ADAMTS14: variants seen among roughly 807,000 people sequenced by gnomAD.
The protein encoded by ADAMTS14 is ADAM metallopeptidase with thrombospondin type 1 motif 14.
In ADAMTS14, 100 loss-of-function variants were observed where a neutral mutation model predicts 128.6. The observed-to-expected ratio is 0.78, with a 90% CI of 0.66 to 0.92. ADAMTS14 has a LOEUF of 0.92. Ranked by LOEUF, ADAMTS14 falls within the 40% of genes least tolerant of loss-of-function variation. ADAMTS14 has a pLI of 0.00. For synonymous variants in ADAMTS14, 665 were observed against 653.8 expected, an observed-to-expected ratio of 1.02 and a Z score of -0.26; for missense variants, 1,562 against 1,658.6, an observed-to-expected ratio of 0.94 and a Z score of 1.01.
chr10:70,749,833 C>A lies in ADAMTS14; in HGVS notation c.2275C>A (p.Gln759Lys). 1.9e-6 allele frequency: 3 copies of A among 1,613,892 alleles called. No individual in the cohort carries two copies. The highest frequency in any genetic ancestry group is 1.3e-5 in the African/African-American group (1 of 75,028). ...KSPHRIVVKN[Q>K]VTGSFILNPK... ...CCCCCACCGGTCAGTGGTGAAGAACCAGGTCACCGGCAGCTTCATCCTCAA... is the reference window on the plus strand; with the variant it reads ...CCCCCACCGGTCAGTGGTGAAGAACAAGGTCACCGGCAGCTTCATCCTCAA... Residue 759 changes from glutamine (Q) to lysine (K), a missense_variant, in exon 16 of 22, where the codon CAG becomes AAG. Coordinates refer to ENST00000373207, the MANE Select transcript of ADAMTS14 (RefSeq NM_080722.4).
rs754210432 is a variant in ADAMTS14 at position 70,760,733 on chromosome 10, C to CG, written c.3558dup (p.Leu1187AlafsTer14). On this transcript the variant is annotated frameshift_variant, in exon 22 of 22. Coordinates refer to ENST00000373207, the MANE Select transcript of ADAMTS14 (RefSeq NM_080722.4). ...CCTGGAGCATCTCCCCTACCACCCCCGGGGGGCTGCCTTGGGGCTGGACTC... is the reference window on the plus strand; with the variant it reads ...CCTGGAGCATCTCCCCTACCACCCCCGGGGGGGCTGCCTTGGGGCTGGACTC... The CG allele has an allele frequency of 1.9e-6, 3 of 1,614,032 alleles. No individual in the cohort carries two copies. The highest frequency in any genetic ancestry group is 1.1e-5 in the South Asian group (1 of 91,046).
In ADAMTS14 at chr10:70,760,502, C is replaced by A. The variant is rs746677219; in HGVS notation, c.3321C>A (p.Gly1107=). The A allele has an allele frequency of 6.2e-7, 1 of 1,613,924 alleles. No individual in the cohort carries two copies. Among genetic ancestry groups the A allele is most frequent in the South Asian group, 1.1e-5 (1 of 91,062 alleles). ...ASGPNPGPDP[G]PTSLPPFSTP... ...GCCCCAACCCTGGCCCAGACCCTGG[C>A]CCAACCTCACTGCCCCCCTTCTCCA... Residue 1107 remains glycine (G), a synonymous_variant, in exon 22 of 22, where the codon GGC becomes GGA. Coordinates refer to ENST00000373207, the MANE Select transcript of ADAMTS14 (RefSeq NM_080722.4).
chr10:70,686,919 C>T (rs1478614215), intron 2 of ADAMTS14, among the ~76,000 whole-genome samples: 2 of 92,398 alleles, frequency 2.2e-5, no homozygotes, highest in African/African-American at 3.7e-5. Context: ...GGCGGCTGGC[C>T]GGGCGGGGGG....
At chr10:70,747,575 C>T (rs1001656394) in intron 15 of ADAMTS14, among the ~76,000 whole-genome samples, 1 of 152,208 alleles carries the variant, frequency 6.6e-6, no homozygotes, top group Non-Finnish European at 1.5e-5. Context: ...AGAACATTAG[C>T]AGCCCCTTCC....
intron 9 of ADAMTS14, 38 bp downstream of exon 9, chr10:70,735,339 C>A (rs201013821): frequency 2.4e-5 from 38 of 1,607,550 alleles, no homozygotes; most frequent in Non-Finnish European, 3.2e-5. Context: ...TGGTTGGGGG[C>A]CAGGGCAGTG....
intron 4 of ADAMTS14, among the ~76,000 whole-genome samples, chr10:70,717,374 C>T (rs892284832): frequency 1.0e-3 from 154 of 152,102 alleles, no homozygotes; most frequent in Non-Finnish European, 7.7e-4. Flanking sequence ...TGGGCCAGGG[C>T]GGCAGACAGC....
rs369791910 is a variant in ADAMTS14 at position 70,735,145 on chromosome 10, C to G, written c.1353-24C>G. 128 of 1,600,038 alleles carry G rather than the reference C, an allele frequency of 8.0e-5. No individual in the cohort carries two copies. The African/African-American group carries it at 1.5e-3, about 18-fold the overall frequency. ...GGGACTTCCTGCTGTCAGCCTGGCTCACCTTCCTTGTCTCTACTGGCAGCT... is the reference window on the plus strand; with the variant it reads ...GGGACTTCCTGCTGTCAGCCTGGCTGACCTTCCTTGTCTCTACTGGCAGCT... On this transcript the variant is annotated intron_variant, in intron 8 of 21. Transcript: ENST00000373207.
rs61754838 is a variant in ADAMTS14 at position 70,760,701 on chromosome 10, G to A, written c.3520G>A (p.Gly1174Arg). The A allele has an allele frequency of 4.3e-4, 686 of 1,614,114 alleles. 1 individual carries two copies. The African/African-American group carries it at 8.3e-3, about 20-fold the overall frequency. The change falls in exon 22 of 22, where the codon GGA becomes AGA. Residue 1174 changes from glycine (G) to arginine (R), a missense_variant. By Grantham distance (125) the Gly-to-Arg change is moderately radical. Coordinates refer to ENST00000373207, the MANE Select transcript of ADAMTS14 (RefSeq NM_080722.4). ...CTTTGCCCCTGAGACACCAATCCCT[G>A]GAGCATCCTGGAGCATCTCCCCTAC... ...HPFAPETPIPGASWSISPTTP... is the reference protein window; with the variant it reads ...HPFAPETPIPRASWSISPTTP...
chr10:70,751,368 T>C, intron 16 of ADAMTS14, 110 bp from the exon 17 acceptor site: 1 of 1,087,792 alleles, frequency 9.2e-7, no homozygotes, highest in Non-Finnish European at 1.3e-6. Context: ...ATCCTAGCTT[T>C]CACAGGTTCT....
chr10:70,751,559 G>A lies in ADAMTS14; in HGVS notation c.2509G>A (p.Gly837Arg), dbSNP rs151241263. 1.3e-5 allele frequency: 21 copies of A among 1,613,718 alleles called. No homozygotes were observed. The highest frequency in any genetic ancestry group is 4.5e-5 in the East Asian group (2 of 44,888). ...CCATGAGGACCTGCTGCCCCTTATC[G>A]GGAGCAACAATGTGCTCCTGGAGGA... ...VIHEDLLPLIGSNNVLLEEMD... is the reference protein window; with the variant it reads ...VIHEDLLPLIRSNNVLLEEMD... Residue 837 changes from glycine (G) to arginine (R), a missense_variant, in exon 17 of 22, where the codon GGG becomes AGG. Transcript: ENST00000373207.
chr10:70,734,186 C>T (rs1054535229), intron 8 of ADAMTS14, among the ~76,000 whole-genome samples, 158 bp downstream of exon 8: 9 of 152,194 alleles, frequency 5.9e-5, no homozygotes, highest in Non-Finnish European at 1.0e-4. Flanking sequence ...AAACATACCC[C>T]ATTAGCATAG....
At chr10:70,757,478 C>T (rs1842503969) in intron 19 of ADAMTS14, among the ~76,000 whole-genome samples, 1 of 152,128 alleles carries the variant, frequency 6.6e-6, no homozygotes, top group Non-Finnish European at 1.5e-5. Flanking sequence ...TAGCAGAAGC[C>T]ACAATCCAGG....
At chr10:70,758,956 C>T (rs553619873) in intron 21 of ADAMTS14, among the ~76,000 whole-genome samples, 35 of 152,230 alleles carry the variant, frequency 2.3e-4, no homozygotes, top group African/African-American at 8.4e-4. Flanking sequence ...CCTTCCTCAC[C>T]CTCCCTAGGA....
At position 70,738,952 on chromosome 10, in the gene ADAMTS14, C is replaced by T. The variant is rs564750212; in HGVS notation, c.1710C>T (p.Gly570=). 2.6e-4 allele frequency: 416 copies of T among 1,579,326 alleles called. 5 individuals are homozygous for T. The South Asian group carries it at 4.1e-3, about 16-fold the overall frequency. ...KFGSCSRSCG[G]GVRSRSRSCN... ...GGTCATGTTCGCGGTCATGTGGGGG[C>T]GGGGTGCGATCCCGCAGCCGGAGCT... The change falls in exon 11 of 22, where the codon GGC becomes GGT. Residue 570 remains glycine (G), a synonymous_variant. Coordinates refer to ENST00000373207, the MANE Select transcript of ADAMTS14 (RefSeq NM_080722.4).
intron 4 of ADAMTS14, among the ~76,000 whole-genome samples, chr10:70,721,012 CTTTTTTCT>C (rs1841239923): frequency 4.5e-5 from 6 of 134,620 alleles, no homozygotes; most frequent in South Asian, 2.4e-4. Context: ...AGCTTTTTCT[CTTTTTTCT>C]TTTTTTTTTT....
chr10:70,740,155 C>G (rs1329272549), intron 11 of ADAMTS14, among the ~76,000 whole-genome samples: 1 of 152,198 alleles, frequency 6.6e-6, no homozygotes, highest in Non-Finnish European at 1.5e-5. Flanking sequence ...AAATTAAATA[C>G]TTAATGAAAG....
chr10:70,715,880 G>A (rs1294486999), intron 4 of ADAMTS14, among the ~76,000 whole-genome samples: 3 of 152,190 alleles, frequency 2.0e-5, no homozygotes, highest in Non-Finnish European at 2.9e-5. Context: ...AGCCCTTGAT[G>A]TTCATGATGT....
chr10:70,760,631 G>A lies in ADAMTS14; in HGVS notation c.3450G>A (p.Gln1150=), dbSNP rs141042742. Residue 1150 remains glutamine, a synonymous_variant, in exon 22 of 22, where the codon CAG becomes CAA. Transcript: ENST00000373207. ...ACCATCAGCATGGCCGAGCCACACA[G>A]CTCCCAGGAGCTCTGGATACAAGCT... The part of the protein sequence containing the change: ...SEDHQHGRAT[Q]LPGALDTSSP... 75 of 1,614,124 alleles carry A rather than the reference G, an allele frequency of 4.6e-5. No homozygotes were observed. The Admixed American group carries it at 6.3e-4, about 14-fold the overall frequency.
At chr10:70,688,990 G>A (rs1370213731) in intron 2 of ADAMTS14, among the ~76,000 whole-genome samples, 5 of 105,246 alleles carry the variant, frequency 4.8e-5, no homozygotes, top group African/African-American at 8.4e-5. Context: ...AGCCACTCCC[G>A]TCCCCCAGGC....
Sources: gnomAD v4.1 joint callset for allele counts (sites outside exome capture counted in the v4.1 genomes callset) on GRCh38, gnomAD v4.1.1 for gene constraint, MANE v1.5 for transcripts, NCBI Gene and HGNC (gene_info 2026-07-23, HGNC 2026-07-21) for gene names.